Variants in HOOK3 observed in about 807,000 individuals in gnomAD.
HOOK3 encodes protein Hook homolog 3.
Under a neutral mutation model 116.3 loss-of-function variants are expected in HOOK3, and 24 were observed. The ratio of observed to expected loss-of-function variants is 0.21; its 90% CI spans 0.15 to 0.29. HOOK3 has a LOEUF of 0.29. Among genes scored for constraint, HOOK3 ranks in the 10% least tolerant of loss-of-function variants. HOOK3 has a pLI of 1.00. For missense variants in HOOK3, 632 were observed against 830.2 expected, an observed-to-expected ratio of 0.76 and a Z score of 2.93; for synonymous variants, 275 against 283.0, an observed-to-expected ratio of 0.97 and a Z score of 0.28.
chr8:42,963,934 G>T (rs1385597642), intron 8 of HOOK3, among the ~76,000 whole-genome samples: 5 of 152,232 alleles, frequency 3.3e-5, no homozygotes, highest in Non-Finnish European at 7.3e-5. Flanking sequence ...ATGGCCGGGC[G>T]CAGTGGCTCA....
At chr8:42,922,147 A>G (rs933366365) in intron 2 of HOOK3, among the ~76,000 whole-genome samples, 3 of 152,216 alleles carry the variant, frequency 2.0e-5, no homozygotes, top group Admixed American at 6.5e-5. Flanking sequence ...TAAAACTTTT[A>G]AAAGAAAATA....
chr8:43,029,721 A>G lies in HOOK3; in HGVS notation c.*11223A>G, dbSNP rs1809996914. 5.0e-6 allele frequency: 1 copy of G among 198,068 alleles called. No individual in the cohort carries two copies. Among genetic ancestry groups the G allele is most frequent in the Non-Finnish European group, 1.0e-5 (1 of 95,804 alleles). 12.3% of individuals were successfully genotyped at this position (198,068 alleles called of 1,614,324 possible). On this transcript the variant is annotated 3_prime_UTR_variant, in exon 22 of 22. Transcript: ENST00000307602. ...AGTTTGATTAATAAATTATATCAAAAAACTTGGGGATAGAAAGAGGCTTTT... is the reference window on the plus strand; with the variant it reads ...AGTTTGATTAATAAATTATATCAAAGAACTTGGGGATAGAAAGAGGCTTTT...
intron 18 of HOOK3, among the ~76,000 whole-genome samples, chr8:43,009,565 G>C (rs901755087): frequency 6.6e-5 from 10 of 152,218 alleles, no homozygotes; most frequent in Middle Eastern, 3.4e-3. Flanking sequence ...ATCCAGACCT[G>C]TGCTTCCCAA....
chr8:42,920,255 G>A (rs555633205), intron 2 of HOOK3, among the ~76,000 whole-genome samples: 1 of 152,210 alleles, frequency 6.6e-6, no homozygotes, highest in South Asian at 2.1e-4. Flanking sequence ...TTTTGAGAAA[G>A]TTACCTTTAT....
rs145310078 is a variant in HOOK3, at chr8:43,005,542, A to G, written c.1656-2305A>G. 4.1e-3 allele frequency among the ~76,000 whole-genome samples: 613 copies of G among 150,760 alleles called. 6 individuals carry two copies. The highest frequency in any genetic ancestry group is 0.014 in the African/African-American group (595 of 41,068). ...TGGCCTAAGCAATATATTTTTTAGG[A>G]ATAGCACAAAGACAATAAAACCATC... is the stretch of plus-strand genomic sequence containing the variant. On this transcript the variant is annotated intron_variant, in intron 17 of 21. Coordinates refer to ENST00000307602, the MANE Select transcript of HOOK3 (RefSeq NM_032410.4).
chr8:42,925,031 CT>C (rs1004244862), intron 2 of HOOK3, among the ~76,000 whole-genome samples: 34 of 151,526 alleles, frequency 2.2e-4, no homozygotes, highest in African/African-American at 7.5e-4. Context: ...GTCAAGTTGA[CT>C]TCTAGAAAAT....
chr8:42,916,134 A>AC, intron 2 of HOOK3, among the ~76,000 whole-genome samples: 1 of 151,874 alleles, frequency 6.6e-6, no homozygotes, highest in East Asian at 1.9e-4. Context: ...ACCTTCCAGC[A>AC]CCCCTGACAT....
chr8:42,966,465 G>T lies in HOOK3; in HGVS notation c.780-8G>T, dbSNP rs1352166243. On this transcript the variant is annotated splice_polypyrimidine_tract_variant and splice_region_variant and intron_variant, in intron 9 of 21. Coordinates refer to ENST00000307602, the MANE Select transcript of HOOK3 (RefSeq NM_032410.4). ...GTGCTTTCTTGGTCTATTTTATATC[G>T]GTTACAGACTAGAAGCAGCCAAAGA... 3 of 1,613,528 alleles carry T rather than the reference G, an allele frequency of 1.9e-6. No individual in the cohort carries two copies. The highest frequency in any genetic ancestry group is 2.2e-5 in the South Asian group (2 of 91,036).
chr8:42,965,812 C>T (rs1310770217), intron 9 of HOOK3, among the ~76,000 whole-genome samples: 2 of 151,280 alleles, frequency 1.3e-5, no homozygotes, highest in African/African-American at 4.9e-5. Flanking sequence ...ACCTTAGAAA[C>T]AGTCCATTCC....
chr8:42,985,224 A>G (rs1809027909), intron 14 of HOOK3, among the ~76,000 whole-genome samples: 1 of 152,186 alleles, frequency 6.6e-6, no homozygotes, highest in Non-Finnish European at 1.5e-5. Context: ...CTTTTCTGGG[A>G]GTTTAATCCT....
intron 9 of HOOK3, among the ~76,000 whole-genome samples, chr8:42,965,236 C>G (rs1808611408): frequency 6.6e-6 from 1 of 152,166 alleles, no homozygotes; most frequent in Admixed American, 6.5e-5. Flanking sequence ...TCAAAATAAG[C>G]ACATCTTCGG....
rs539973103 is a variant in HOOK3, at chr8:42,950,233, C to T, written c.401-155C>T. Among the ~76,000 whole-genome samples the T allele has an allele frequency of 5.9e-5, 9 of 152,248 alleles. No individual in the cohort carries two copies. The East Asian group carries it at 7.7e-4, about 13-fold the overall frequency. On this transcript the variant is annotated intron_variant, in intron 5 of 21. Coordinates refer to ENST00000307602, the MANE Select transcript of HOOK3 (RefSeq NM_032410.4). ...AAGGAAAGATAAATAGTGTGATTTT[C>T]GGACTTTACCAATACATTTAATGGT...
chr8:42,943,354 G>C lies in HOOK3; in HGVS notation c.309G>C (p.Val103=). ...TTAATGACTTTACCCTTCCTGATGT[G>C]AACCTTATTGGGGAGCATTCTGATG... ...QQINDFTLPD[V]NLIGEHSDAA... is the part of the protein sequence containing the mutation. The change falls in exon 5 of 22, where the codon GTG becomes GTC. Residue 103 remains valine, a synonymous_variant. Coordinates refer to ENST00000307602, the MANE Select transcript of HOOK3 (RefSeq NM_032410.4). The C allele has an allele frequency of 1.3e-6, 2 of 1,556,092 alleles. No homozygotes were observed.
At chr8:42,964,814 G>A (rs117679751) in intron 9 of HOOK3, among the ~76,000 whole-genome samples, 3,900 of 151,046 alleles carry the variant, frequency 0.026, 99 homozygotes, top group Admixed American at 0.07. Flanking sequence ...GCAACAGAAC[G>A]CGACTTTGTC....
intron 4 of HOOK3, among the ~76,000 whole-genome samples, chr8:42,939,125 C>T (rs186358527): frequency 0.012 from 1,800 of 152,358 alleles, 25 homozygotes; most frequent in Non-Finnish European, 0.02. Flanking sequence ...TCTTTCTACA[C>T]AGACAACGGC....
At chr8:42,960,920 C>T (rs991950204) in intron 8 of HOOK3, among the ~76,000 whole-genome samples, 2 of 152,158 alleles carry the variant, frequency 1.3e-5, no homozygotes, top group African/African-American at 4.8e-5. Flanking sequence ...AGAAAAAAGA[C>T]GTTTAATTGG....
At chr8:43,007,219 T>C (rs1470108307) in intron 17 of HOOK3, among the ~76,000 whole-genome samples, 2 of 152,052 alleles carry the variant, frequency 1.3e-5, no homozygotes, top group Admixed American at 6.6e-5. Context: ...GGTTTTGCCA[T>C]GTTGGCCAGG....
chr8:42,953,775 A>T (rs534486956), intron 6 of HOOK3, among the ~76,000 whole-genome samples: 3 of 152,262 alleles, frequency 2.0e-5, no homozygotes, highest in African/African-American at 7.2e-5. Context: ...TATTTATCAC[A>T]ATATAAAGGA....
At chr8:42,977,130 A>G (rs2130438702) in intron 13 of HOOK3, among the ~76,000 whole-genome samples, 1 of 152,348 alleles carries the variant, frequency 6.6e-6, no homozygotes, top group East Asian at 1.9e-4. Flanking sequence ...GAACATATTT[A>G]TATCTCACCT....
Sources: gnomAD v4.1 joint callset for allele counts (sites outside exome capture counted in the v4.1 genomes callset) on GRCh38, gnomAD v4.1.1 for gene constraint, MANE v1.5 for transcripts, NCBI Gene and HGNC (gene_info 2026-07-23, HGNC 2026-07-21) for gene names.